CSMD1: variants seen among roughly 807,000 people sequenced by gnomAD.
The protein encoded by CSMD1 is CUB and Sushi multiple domains 1.
CSMD1 carries 213 observed loss-of-function variants against 417.5 expected under a neutral mutation model. The ratio of observed to expected loss-of-function variants is 0.51; its 90% CI spans 0.46 to 0.57. The LOEUF (loss-of-function observed/expected upper bound fraction) is 0.57. Ranked by LOEUF, CSMD1 falls within the 20% of genes least tolerant of loss-of-function variation. CSMD1 has a pLI of 0.00. For synonymous variants in CSMD1, 2,862 were observed against 1,736.8 expected, an observed-to-expected ratio of 1.65 and a Z score of -16.11; for missense variants, 6,923 against 4,529.7, an observed-to-expected ratio of 1.53 and a Z score of -15.17.
intron 3 of CSMD1, among the ~76,000 whole-genome samples, chr8:4,278,758 T>A (rs1008269263): frequency 2.0e-5 from 3 of 152,192 alleles, no homozygotes; most frequent in Non-Finnish European, 4.4e-5. Context: ...GTATAAGATC[T>A]GAACAAAGAG....
chr8:4,157,785 G>C (rs149096506), intron 3 of CSMD1, among the ~76,000 whole-genome samples: 5 of 152,172 alleles, frequency 3.3e-5, no homozygotes, highest in Non-Finnish European at 4.4e-5. Context: ...TTCACAGCTG[G>C]GTGAACTTGC....
chr8:4,039,764 T>C (rs953811438), intron 3 of CSMD1, among the ~76,000 whole-genome samples: 2 of 152,206 alleles, frequency 1.3e-5, no homozygotes, highest in Admixed American at 1.3e-4. Flanking sequence ...GGGGAAGTCG[T>C]TGTGGCAAGC....
At chr8:4,421,092 C>A (rs1001717931) in intron 2 of CSMD1, among the ~76,000 whole-genome samples, 5 of 152,152 alleles carry the variant, frequency 3.3e-5, no homozygotes, top group Admixed American at 2.6e-4. Flanking sequence ...ATCCAAACAA[C>A]TTTCAGACAG....
chr8:3,248,607 G>C (rs900654872), intron 26 of CSMD1, among the ~76,000 whole-genome samples: 21 of 134,426 alleles, frequency 1.6e-4, no homozygotes, highest in Non-Finnish European at 3.1e-4. Context: ...TCAGCTCACT[G>C]CAAGTTCCAC....
At chr8:3,490,565 C>A (rs181254631) in intron 11 of CSMD1, among the ~76,000 whole-genome samples, 1 of 152,214 alleles carries the variant, frequency 6.6e-6, no homozygotes, top group East Asian at 1.9e-4. Context: ...GGAGTGTTTG[C>A]ATGCATTATT....
At chr8:4,753,758 G>C (rs989176102) in intron 1 of CSMD1, among the ~76,000 whole-genome samples, 2 of 152,150 alleles carry the variant, frequency 1.3e-5, no homozygotes, top group Non-Finnish European at 2.9e-5. Context: ...TTTACATTCT[G>C]ATGGGAACAT....
chr8:3,418,641 C>T (rs1207849511), intron 12 of CSMD1, among the ~76,000 whole-genome samples: 1 of 152,094 alleles, frequency 6.6e-6, no homozygotes, highest in Non-Finnish European at 1.5e-5. Context: ...CCATAACCTG[C>T]AACGTAATGA....
At chr8:4,540,221 G>A (rs1797312684) in intron 2 of CSMD1, among the ~76,000 whole-genome samples, 1 of 152,150 alleles carries the variant, frequency 6.6e-6, no homozygotes, top group Non-Finnish European at 1.5e-5. Context: ...AACTGCTGCT[G>A]GTTTGCTCAG....
intron 1 of CSMD1, among the ~76,000 whole-genome samples, chr8:4,751,392 G>GC (rs1028172914): frequency 5.0e-5 from 5 of 100,922 alleles, no homozygotes; most frequent in Admixed American, 4.3e-4. Context: ...CTCTGTCTCA[G>GC]GGGGGGTGGC....
Position 3,214,704 on chromosome 8 carries a change from T to C in CSMD1, c.4673-13A>G, listed in dbSNP as rs963254551. 2.6e-6 allele frequency: 4 copies of C among 1,545,598 alleles called. No homozygotes were observed. The African/African-American group carries it at 5.5e-5, about 21-fold the overall frequency. ...TCCCGTGGTTTCTCTGTGGAAGAAA[T>C]GAATGTAAACTGCATGAGAGCAGGG... On this transcript the variant is annotated splice_polypyrimidine_tract_variant and intron_variant, in intron 29 of 69. Transcript: ENST00000635120.
At chr8:3,229,716 A>G (rs983349413) in intron 27 of CSMD1, among the ~76,000 whole-genome samples, 4 of 152,186 alleles carry the variant, frequency 2.6e-5, no homozygotes, top group African/African-American at 9.7e-5. Context: ...CAGAATAGCA[A>G]TGGTAGGTTT....
At chr8:3,476,619 G>C (rs768418862) in intron 11 of CSMD1, among the ~76,000 whole-genome samples, 2 of 151,996 alleles carry the variant, frequency 1.3e-5, no homozygotes, top group Admixed American at 1.3e-4. Flanking sequence ...AAAATTACAA[G>C]GATAAATAAT....
At chr8:4,683,696 G>T (rs1048378781) in intron 1 of CSMD1, among the ~76,000 whole-genome samples, 2 of 152,160 alleles carry the variant, frequency 1.3e-5, no homozygotes, top group Non-Finnish European at 2.9e-5. Flanking sequence ...GTTTCCTTGG[G>T]GTCCCACCAG....
chr8:3,021,602 A>G (rs1809399819), intron 51 of CSMD1, among the ~76,000 whole-genome samples: 1 of 152,246 alleles, frequency 6.6e-6, no homozygotes, highest in Admixed American at 6.5e-5. Context: ...TTTGCACAAA[A>G]AAGACACTTG....
intron 50 of CSMD1, among the ~76,000 whole-genome samples, 162 bp downstream of exon 50, chr8:3,052,300 T>C (rs1049606107): frequency 5.9e-5 from 9 of 152,208 alleles, no homozygotes; most frequent in Non-Finnish European, 1.3e-4. Context: ...CTGAAAATAT[T>C]TTATATGAAA....
chr8:4,077,322 T>TATATG (rs1799884585), intron 3 of CSMD1, among the ~76,000 whole-genome samples: 1 of 143,776 alleles, frequency 7.0e-6, no homozygotes, highest in African/African-American at 2.5e-5. Context: ...TATATATATA[T>TATATG]GGTAGACATA....
intron 3 of CSMD1, 58 bp from the exon 4 acceptor site, chr8:4,032,157 C>G (rs79586223): frequency 2.3e-6 from 3 of 1,324,036 alleles, no homozygotes; most frequent in Non-Finnish European, 3.2e-6. Context: ...TGGAGAGCCA[C>G]TTATAAGATA....
At chr8:4,415,868 G>T (rs1171944155) in intron 3 of CSMD1, among the ~76,000 whole-genome samples, 2 of 152,156 alleles carry the variant, frequency 1.3e-5, no homozygotes, top group Admixed American at 6.5e-5. Context: ...ATATATACAA[G>T]AGGAAACAGT....
At chr8:3,304,752 A>C (rs1209336136) in intron 25 of CSMD1, among the ~76,000 whole-genome samples, 2 of 151,996 alleles carry the variant, frequency 1.3e-5, no homozygotes, top group Non-Finnish European at 2.9e-5. Flanking sequence ...TTTTATTAAA[A>C]TGTTAACAAA....
Sources: allele counts gnomAD v4.1 joint callset (sites outside exome capture counted in the v4.1 genomes callset), GRCh38; gene constraint gnomAD v4.1.1; transcripts MANE v1.5; gene names NCBI Gene and HGNC (gene_info 2026-07-23, HGNC 2026-07-21).